NMNAT2: variants seen among roughly 807,000 people sequenced by gnomAD.
NMNAT2 encodes the protein nicotinamide/nicotinic acid mononucleotide adenylyltransferase 2.
A neutral mutation model predicts 41.6 loss-of-function variants in NMNAT2; 11 were observed. That is an observed-to-expected ratio of 0.26 (90% confidence interval 0.17 to 0.44). The LOEUF (loss-of-function observed/expected upper bound fraction) is 0.44, where lower values mean the gene tolerates loss of function less well. NMNAT2 is among the 20% of genes least tolerant of loss of function. NMNAT2 has a pLI of 1.00. For missense variants in NMNAT2, 288 were observed against 407.7 expected, an observed-to-expected ratio of 0.71 and a Z score of 2.53; for synonymous variants, 148 against 151.2, an observed-to-expected ratio of 0.98 and a Z score of 0.16.
At chr1:183,370,619 CG>C (rs1663515582) in intron 1 of NMNAT2, among the ~76,000 whole-genome samples, 1 of 152,130 alleles carries the variant, frequency 6.6e-6, no homozygotes, top group African/African-American at 2.4e-5. Context: ...CAGGTGTGCT[CG>C]GGCACAAGGA....
At chr1:183,323,846 C>G (rs1662405723) in intron 1 of NMNAT2, among the ~76,000 whole-genome samples, 1 of 152,188 alleles carries the variant, frequency 6.6e-6, no homozygotes, top group Admixed American at 6.5e-5. Flanking sequence ...TTTGGCCTCT[C>G]TCCTACGAGA....
At chr1:183,416,833 G>T (rs1649264559) in intron 1 of NMNAT2, among the ~76,000 whole-genome samples, 1 of 152,124 alleles carries the variant, frequency 6.6e-6, no homozygotes, top group Admixed American at 6.5e-5. Flanking sequence ...TACCGCTGTG[G>T]TGTGGTTTTC....
chr1:183,396,958 A>T (rs1387030792), intron 1 of NMNAT2, among the ~76,000 whole-genome samples: 4 of 152,098 alleles, frequency 2.6e-5, no homozygotes, highest in Non-Finnish European at 4.4e-5. Flanking sequence ...CACTGCTAAC[A>T]CCTTCACACT....
At chr1:183,409,875 C>T (rs931520149) in intron 1 of NMNAT2, among the ~76,000 whole-genome samples, 2 of 152,140 alleles carry the variant, frequency 1.3e-5, no homozygotes, top group Admixed American at 6.5e-5. Context: ...AGATCCTAGG[C>T]AAGAACAACC....
At chr1:183,354,753 C>G (rs1663147093) in intron 1 of NMNAT2, among the ~76,000 whole-genome samples, 1 of 152,100 alleles carries the variant, frequency 6.6e-6, no homozygotes, top group African/African-American at 2.4e-5. Context: ...TATATCCAAT[C>G]CATCACCAAA....
chr1:183,286,594 A>T (rs1661403876), intron 5 of NMNAT2, 68 bp downstream of exon 5: 12 of 1,362,540 alleles, frequency 8.8e-6, no homozygotes, highest in Middle Eastern at 1.9e-4. Context: ...GGATCCCAGT[A>T]GTCATTAATT....
At chr1:183,299,775 GTAA>G (rs1380899467) in intron 1 of NMNAT2, among the ~76,000 whole-genome samples, 1 of 152,172 alleles carries the variant, frequency 6.6e-6, no homozygotes, top group East Asian at 1.9e-4. Flanking sequence ...GATCTTTGTG[GTAA>G]TGGGCTAGTT....
At chr1:183,357,191 G>A (rs1396811407) in intron 1 of NMNAT2, among the ~76,000 whole-genome samples, 1 of 147,496 alleles carries the variant, frequency 6.8e-6, no homozygotes, top group Non-Finnish European at 1.5e-5. Context: ...AACGGCTTTA[G>A]TGGCTCAGGG....
chr1:183,318,531 C>A (rs1008965127), intron 1 of NMNAT2, among the ~76,000 whole-genome samples: 5 of 152,130 alleles, frequency 3.3e-5, no homozygotes, highest in Non-Finnish European at 5.9e-5. Flanking sequence ...GAAAGGAAAT[C>A]CCCCAAACAG....
intron 1 of NMNAT2, among the ~76,000 whole-genome samples, chr1:183,411,323 A>AT (rs932501864): frequency 5.5e-4 from 84 of 151,530 alleles, no homozygotes; most frequent in African/African-American, 1.7e-3. Flanking sequence ...TTCAATAAAC[A>AT]TTTTTTTTTA....
chr1:183,295,173 T>C (rs1210732390), intron 1 of NMNAT2, among the ~76,000 whole-genome samples: 1 of 151,986 alleles, frequency 6.6e-6, no homozygotes, highest in East Asian at 1.9e-4. Context: ...TTGGCTAATT[T>C]TTGTATTTTT....
intron 5 of NMNAT2, 42 bp downstream of exon 5, chr1:183,286,620 A>C: frequency 6.5e-7 from 1 of 1,544,236 alleles, no homozygotes; most frequent in East Asian, 2.3e-5. Context: ...AGCCCTCCAC[A>C]TGATTCTGAG....
chr1:183,336,820 T>C (rs1264898630), intron 1 of NMNAT2, among the ~76,000 whole-genome samples: 3 of 152,152 alleles, frequency 2.0e-5, no homozygotes, highest in Admixed American at 1.3e-4. Flanking sequence ...TGTTCATCAA[T>C]AGGAAATTGG....
intron 1 of NMNAT2, among the ~76,000 whole-genome samples, chr1:183,413,546 T>C (rs1006945607): frequency 4.6e-5 from 7 of 152,012 alleles, no homozygotes; most frequent in African/African-American, 1.4e-4. Context: ...ATCAGTATTG[T>C]GGGTCTTTTC....
chr1:183,344,394 C>T (rs1306663682), intron 1 of NMNAT2, among the ~76,000 whole-genome samples: 4 of 152,260 alleles, frequency 2.6e-5, no homozygotes, highest in South Asian at 2.1e-4. Context: ...CACTGCTTCC[C>T]GCTGTTCTAC....
intron 1 of NMNAT2, among the ~76,000 whole-genome samples, chr1:183,316,324 A>G (rs529567261): frequency 5.9e-5 from 9 of 151,852 alleles, no homozygotes; most frequent in African/African-American, 1.9e-4. Context: ...GTTGCCCCCA[A>G]CTCCTCCCTG....
chr1:183,300,112 G>A (rs1022379196), intron 1 of NMNAT2, among the ~76,000 whole-genome samples: 3 of 152,040 alleles, frequency 2.0e-5, no homozygotes, highest in African/African-American at 7.2e-5. Flanking sequence ...CACATAGAAG[G>A]CACCATTTAG....
intron 8 of NMNAT2, chr1:183,266,582 T>C (rs1175327950): frequency 1.3e-5 from 2 of 154,006 alleles, no homozygotes; most frequent in Non-Finnish European, 2.9e-5. Context: ...AAGACTGGTA[T>C]GATGTAAAAA....
At chr1:183,279,112 T>C (rs546675432) in intron 7 of NMNAT2, among the ~76,000 whole-genome samples, 69 of 152,222 alleles carry the variant, frequency 4.5e-4, no homozygotes, top group African/African-American at 1.6e-3. Flanking sequence ...GGACAGTGAG[T>C]GTACCTTGAG....
Sources: gnomAD v4.1 joint callset for allele counts (sites outside exome capture counted in the v4.1 genomes callset) on GRCh38, gnomAD v4.1.1 for gene constraint, MANE v1.5 for transcripts, NCBI Gene and HGNC (gene_info 2026-07-23, HGNC 2026-07-21) for gene names.